The following RANBP2 variants were observed in gnomAD, a reference collection of about 807,000 sequenced individuals.
RANBP2 encodes the protein E3 SUMO-protein ligase RanBP2.
RANBP2 carries 57 observed loss-of-function variants against 303.6 expected under a neutral mutation model. That is an observed-to-expected ratio of 0.19 (90% CI 0.15 to 0.23). RANBP2 has a LOEUF of 0.23. Ranked by LOEUF, RANBP2 falls within the 10% of genes least tolerant of loss-of-function variation. The pLI is 1.00. For missense variants in RANBP2, 3,138 were observed against 3,780.8 expected, an observed-to-expected ratio of 0.83 and a Z score of 4.46; for synonymous variants, 1,167 against 1,301.5, an observed-to-expected ratio of 0.90 and a Z score of 2.23.
At chr2:109,379,999 T>C in the RANBP2 span, among the ~76,000 whole-genome samples, 1 of 152,104 alleles carries the variant, frequency 6.6e-6, no homozygotes, top group African/African-American at 2.4e-5. Flanking sequence ...TTCAATTGGA[T>C]TAACGACATA....
At position 108,782,422 on chromosome 2, in the gene RANBP2, G is replaced by T. The variant is rs771425802; in HGVS notation, c.9034+21G>T. Reference sequence around the variant, plus strand: ...TGCTGGTGAGTTTTTACATTCAAATGCTACTTTTCATTTTTTGGACTTTTC... The same window carrying T: ...TGCTGGTGAGTTTTTACATTCAAATTCTACTTTTCATTTTTTGGACTTTTC... On this transcript the variant is annotated intron_variant, in intron 27 of 28. Coordinates refer to ENST00000283195, the MANE Select transcript of RANBP2 (RefSeq NM_006267.5). 8 of 1,613,624 alleles carry T rather than the reference G, an allele frequency of 5.0e-6. No individual in the cohort carries two copies. In the East Asian group the frequency reaches 1.3e-4, roughly 27 times the overall value.
the RANBP2 span, among the ~76,000 whole-genome samples, chr2:109,120,612 A>G: frequency 2.1e-5 from 3 of 142,062 alleles, no homozygotes; most frequent in East Asian, 6.4e-4. Context: ...CCATGTGGTG[A>G]GCCGAGATCG....
the RANBP2 span, among the ~76,000 whole-genome samples, chr2:109,188,694 A>G: frequency 6.6e-6 from 1 of 152,158 alleles, no homozygotes; most frequent in African/African-American, 2.4e-5. Flanking sequence ...TGACTTTGCA[A>G]GACCACCTCC....
chr2:109,495,849 A>G, the RANBP2 span, among the ~76,000 whole-genome samples: 2 of 152,180 alleles, frequency 1.3e-5, no homozygotes, highest in Admixed American at 6.5e-5. Context: ...ATAATAATAC[A>G]TGTCTGGGTA....
chr2:109,070,885 G>A, the RANBP2 span, among the ~76,000 whole-genome samples: 69 of 150,600 alleles, frequency 4.6e-4, 1 homozygote, highest in African/African-American at 1.0e-3. Context: ...AATAGAGTGC[G>A]GCACCCCTCC....
the RANBP2 span, among the ~76,000 whole-genome samples, chr2:108,936,000 C>T: frequency 6.6e-6 from 1 of 152,202 alleles, no homozygotes; most frequent in African/African-American, 2.4e-5. Context: ...CAGACAGTGC[C>T]CACTGCAGGA....
chr2:109,336,114 AG>A, the RANBP2 span, among the ~76,000 whole-genome samples: 1 of 152,200 alleles, frequency 6.6e-6, no homozygotes, highest in Non-Finnish European at 1.5e-5. Context: ...TTAATATTTT[AG>A]GAAGTTCAAA....
chr2:108,897,203 C>A, the RANBP2 span: 2 of 1,613,748 alleles, frequency 1.2e-6, no homozygotes, highest in South Asian at 1.1e-5. Context: ...TCGAGGCAAT[C>A]AAATGGCAGC....
the RANBP2 span, chr2:108,896,744 G>T: frequency 1.5e-6 from 1 of 669,356 alleles, no homozygotes; most frequent in Non-Finnish European, 2.5e-6. Flanking sequence ...TGGTTAAATT[G>T]GAAGACAGGC....
chr2:109,763,773 T>C, the RANBP2 span, among the ~76,000 whole-genome samples: 132 of 150,312 alleles, frequency 8.8e-4, 6 homozygotes, highest in Admixed American at 2.2e-3. Flanking sequence ...CAAAAGAGAA[T>C]CTTATTTTAA....
intron 18 of RANBP2, among the ~76,000 whole-genome samples, chr2:108,760,262 T>G (rs1676633895): frequency 6.6e-6 from 1 of 152,222 alleles, no homozygotes; most frequent in Admixed American, 6.5e-5. Flanking sequence ...TTCCTTCTAG[T>G]TCTTTCTCTA....
the RANBP2 span, among the ~76,000 whole-genome samples, chr2:109,442,050 G>A: frequency 7.9e-5 from 12 of 152,268 alleles, 1 homozygote; most frequent in South Asian, 2.1e-4. Flanking sequence ...AGTGGCTCAC[G>A]CCTGTAATCC....
At chr2:108,817,078 C>T in the RANBP2 span, among the ~76,000 whole-genome samples, 5 of 152,098 alleles carry the variant, frequency 3.3e-5, no homozygotes, top group African/African-American at 9.7e-5. Context: ...AGGAAACAAA[C>T]GTTCAAACCA....
the RANBP2 span, among the ~76,000 whole-genome samples, chr2:109,005,048 C>T: frequency 6.6e-6 from 1 of 152,190 alleles, no homozygotes; most frequent in Non-Finnish European, 1.5e-5. Context: ...CACACCTGTT[C>T]TTTCTTTCCC....
the RANBP2 span, among the ~76,000 whole-genome samples, chr2:109,465,198 C>G: frequency 6.6e-6 from 1 of 152,140 alleles, no homozygotes; most frequent in East Asian, 1.9e-4. Flanking sequence ...CCAGATGTAC[C>G]ACAGTTTATT....
At chr2:108,875,372 A>G in the RANBP2 span, among the ~76,000 whole-genome samples, 2 of 151,788 alleles carry the variant, frequency 1.3e-5, no homozygotes, top group African/African-American at 4.8e-5. Context: ...GAAATTACTG[A>G]CAGGTTATTA....
the RANBP2 span, among the ~76,000 whole-genome samples, chr2:109,079,392 T>G: frequency 1.3e-5 from 2 of 152,140 alleles, no homozygotes; most frequent in African/African-American, 2.4e-5. Context: ...ACTAGGGTAT[T>G]AATAGTTAAG....
At chr2:109,112,943 T>C in the RANBP2 span, among the ~76,000 whole-genome samples, 4 of 152,250 alleles carry the variant, frequency 2.6e-5, no homozygotes, top group African/African-American at 9.6e-5. Flanking sequence ...CAGATGGTTG[T>C]AGATATGCAG....
chr2:108,841,993 A>G, the RANBP2 span, among the ~76,000 whole-genome samples: 20 of 152,040 alleles, frequency 1.3e-4, no homozygotes, highest in African/African-American at 4.6e-4. Flanking sequence ...AATGATTAGA[A>G]GTCATAGAAG....
Sources: allele counts gnomAD v4.1 joint callset (sites outside exome capture counted in the v4.1 genomes callset), GRCh38; gene constraint gnomAD v4.1.1; transcripts MANE v1.5; gene names NCBI Gene and HGNC (gene_info 2026-07-23, HGNC 2026-07-21).